WNT5B: variants seen among roughly 807,000 people sequenced by gnomAD.
WNT5B encodes protein Wnt-5b.
WNT5B carries 18 observed loss-of-function variants against 36.5 expected under a neutral mutation model. That is an observed-to-expected ratio of 0.49 (90% CI 0.34 to 0.73). WNT5B has a LOEUF of 0.73. WNT5B is among the 30% of genes least tolerant of loss of function. The pLI is 0.01. For synonymous variants in WNT5B, 213 were observed against 212.3 expected, an observed-to-expected ratio of 1.00 and a Z score of -0.03; for missense variants, 424 against 508.4, an observed-to-expected ratio of 0.83 and a Z score of 1.60.
chr12:1,641,021 C>A (rs1048609843), intron 4 of WNT5B, among the ~76,000 whole-genome samples: 1 of 152,156 alleles, frequency 6.6e-6, no homozygotes, highest in Non-Finnish European at 1.5e-5. Flanking sequence ...TGTCCCCACT[C>A]GGGTCTATGT....
chr12:1,643,352 C>G (rs992001453), intron 4 of WNT5B, among the ~76,000 whole-genome samples: 3 of 152,130 alleles, frequency 2.0e-5, no homozygotes, highest in Admixed American at 1.3e-4. Flanking sequence ...AGGGACAGAT[C>G]GTAGAACTAA....
chr12:1,627,418 C>T (rs1312322032), upstream of WNT5B, among the ~76,000 whole-genome samples: 1 of 152,176 alleles, frequency 6.6e-6, no homozygotes, highest in African/African-American at 2.4e-5. The surrounding 1 kb of genome is among the most constrained non-coding windows in gnomAD (Gnocchi z 5.0). Context: ...TGGCTAATGA[C>T]CTGAAATCAA....
In WNT5B at chr12:1,630,020, G is replaced by GAAAATCAAA; in HGVS notation, c.-58+651_-58+659dup. The GAAAATCAAA allele has an allele frequency of 1.4e-6, 1 of 737,862 alleles. No individual in the cohort carries two copies. Among genetic ancestry groups the GAAAATCAAA allele is most frequent in the Non-Finnish European group, 1.7e-6 (1 of 603,114 alleles). 45.7% of individuals were successfully genotyped at this position (737,862 alleles called of 1,614,324 possible). The stretch of plus-strand genomic sequence containing the variant: ...CCGCCCCAGCCGAGGCTTCGAGAAG[G>GAAAATCAAA]AAAATCAAAAGGGGGCTTGGGGAAG... On this transcript the variant is annotated intron_variant, in intron 1 of 4. Coordinates refer to ENST00000397196, the MANE Select transcript of WNT5B (RefSeq NM_032642.3). The surrounding 1 kb of genome is among the most constrained non-coding windows in gnomAD (Gnocchi z 5.3).
Position 1,646,259 on chromosome 12 carries a change from G to A in WNT5B, c.*7G>A. The A allele has an allele frequency of 6.2e-7, 1 of 1,602,116 alleles. No individual in the cohort carries two copies. The highest frequency in any genetic ancestry group is 8.5e-7 in the Non-Finnish European group (1 of 1,172,916). Reference sequence around the variant, plus strand: ...CCAGTACATCTGTAAATAGCCCGGAGGGCCTGCTCCCGGCCCCCCTGCACT... The same window carrying A: ...CCAGTACATCTGTAAATAGCCCGGAAGGCCTGCTCCCGGCCCCCCTGCACT... On this transcript the variant is annotated 3_prime_UTR_variant, in exon 5 of 5. Transcript: ENST00000397196.
intron 1 of WNT5B, among the ~76,000 whole-genome samples, chr12:1,619,126 C>G: frequency 6.7e-6 from 1 of 149,252 alleles, no homozygotes; most frequent in East Asian, 2.0e-4. Context: ...CACCAAGCCC[C>G]CAGCCCCTCC....
chr12:1,641,177 G>C (rs1318451929), intron 4 of WNT5B, among the ~76,000 whole-genome samples: 1 of 152,176 alleles, frequency 6.6e-6, no homozygotes, highest in Non-Finnish European at 1.5e-5. Flanking sequence ...TTGAGGCCAG[G>C]AGTTCGAGAC....
chr12:1,630,036 C>G lies in WNT5B; in HGVS notation c.-58+665C>G. ...TTCGAGAAGGAAAATCAAAAGGGGGCTTGGGGAAGGGCTGTGTCCCAGCTC... is the reference window on the plus strand; with the variant it reads ...TTCGAGAAGGAAAATCAAAAGGGGGGTTGGGGAAGGGCTGTGTCCCAGCTC... On this transcript the variant is annotated intron_variant, in intron 1 of 4. Transcript: ENST00000397196. The surrounding 1 kb of genome is among the most constrained non-coding windows in gnomAD (Gnocchi z 5.3). The G allele has an allele frequency of 1.2e-6, 1 of 820,112 alleles. No homozygotes were observed. Among genetic ancestry groups the G allele is most frequent in the Non-Finnish European group, 1.5e-6 (1 of 678,460 alleles). 50.8% of individuals were successfully genotyped at this position (820,112 alleles called of 1,614,324 possible).
chr12:1,635,085 A>T (rs970862424), intron 3 of WNT5B, among the ~76,000 whole-genome samples: 8 of 152,214 alleles, frequency 5.3e-5, no homozygotes, highest in Non-Finnish European at 1.2e-4. Context: ...AGTAGATGGT[A>T]CTTAGTAGGC....
At chr12:1,637,446 T>A (rs1377869061) in intron 3 of WNT5B, among the ~76,000 whole-genome samples, 1 of 152,112 alleles carries the variant, frequency 6.6e-6, no homozygotes, top group Non-Finnish European at 1.5e-5. Flanking sequence ...CATATAAAAG[T>A]TATGCTGCGG....
At chr12:1,620,386 T>G (rs1200748512) in intron 1 of WNT5B, among the ~76,000 whole-genome samples, 1 of 152,264 alleles carries the variant, frequency 6.6e-6, no homozygotes, top group Non-Finnish European at 1.5e-5. Context: ...AGAAGATCCA[T>G]GCATGTGGTT....
At chr12:1,620,296 C>G (rs1316184704) in intron 1 of WNT5B, among the ~76,000 whole-genome samples, 1 of 152,146 alleles carries the variant, frequency 6.6e-6, no homozygotes, top group Non-Finnish European at 1.5e-5. Flanking sequence ...GTGTGGGTCC[C>G]CAAACAAGAT....
chr12:1,630,607 G>A lies in WNT5B; in HGVS notation c.-57-691G>A, dbSNP rs535806995. Among the ~76,000 whole-genome samples the A allele has an allele frequency of 2.0e-4, 31 of 152,338 alleles. No homozygotes were observed. In the South Asian group the frequency reaches 6.2e-3, roughly 31 times the overall value. ...AGGACCACGGTGCCGGGAGGGGCAG[G>A]GGCCGCCTAGGGAGGCACCACCTCA... On this transcript the variant is annotated intron_variant, in intron 1 of 4. Transcript: ENST00000397196. This position sits in a 1 kb window ranked among gnomAD's most constrained non-coding sequence, Gnocchi z 5.3.
At chr12:1,645,009 T>C (rs1036172131) in intron 4 of WNT5B, 5 of 152,124 alleles carry the variant, frequency 3.3e-5, no homozygotes, top group Admixed American at 1.3e-4. Context: ...TGCTCACAAA[T>C]GGATGGTGTA....
intron 1 of WNT5B, among the ~76,000 whole-genome samples, chr12:1,623,194 T>TTTTG (rs1565603185): frequency 1.8e-5 from 2 of 111,116 alleles, no homozygotes; most frequent in African/African-American, 3.8e-5. Context: ...GTTGTTTTTT[T>TTTTG]TTTTTTTTTT....
intron 1 of WNT5B, among the ~76,000 whole-genome samples, chr12:1,623,257 A>G (rs1356407823): frequency 1.6e-5 from 2 of 125,332 alleles, no homozygotes; most frequent in Non-Finnish European, 3.1e-5. Context: ...CTGCAGTGGC[A>G]CAGTCTCGGC....
rs932861310 is a variant in WNT5B, at chr12:1,633,458, G to T, written c.328+553G>T. 2.8e-4 allele frequency among the ~76,000 whole-genome samples: 42 copies of T among 152,120 alleles called. No individual in the cohort carries two copies. The highest frequency in any genetic ancestry group is 8.8e-5 in the Non-Finnish European group (6 of 68,024). ...AGAGATGTGTGAACATGGGGGAAGGGGTCAGACGAAAGAAAAGATGAGAGG... is the reference window on the plus strand; with the variant it reads ...AGAGATGTGTGAACATGGGGGAAGGTGTCAGACGAAAGAAAAGATGAGAGG... On this transcript the variant is annotated intron_variant, in intron 3 of 4. Coordinates refer to ENST00000397196, the MANE Select transcript of WNT5B (RefSeq NM_032642.3). This position sits in a 1 kb window ranked among gnomAD's most constrained non-coding sequence, Gnocchi z 4.8.
In WNT5B at chr12:1,645,903, G is replaced by T. The variant is rs150533323; in HGVS notation, c.731G>T (p.Arg244Leu). 11 of 1,611,098 alleles carry T rather than the reference G, an allele frequency of 6.8e-6. No homozygotes were observed. The African/African-American group carries it at 1.3e-4, about 20-fold the overall frequency. The stretch of plus-strand genomic sequence containing the variant: ...GCCGAGTTCCGCAAGGTCGGGGACC[G>T]GCTGAAGGAGAAGTACGACAGCGCG... The part of the protein sequence containing the change: ...QLAEFRKVGD[R>L]LKEKYDSAAA... The change falls in exon 5 of 5, where the codon CGG becomes CTG. Residue 244 changes from arginine to leucine, a missense_variant. Physicochemically the swap from Arg to Leu is moderately radical, Grantham distance 102. Coordinates refer to ENST00000397196, the MANE Select transcript of WNT5B (RefSeq NM_032642.3).
rs577020035 is a variant in WNT5B, at chr12:1,618,629, T to C, written c.-58+1486T>C. Among the ~76,000 whole-genome samples, 1 of 152,212 alleles carries C rather than the reference T, an allele frequency of 6.6e-6. No homozygotes were observed. Among genetic ancestry groups the C allele is most frequent in the Non-Finnish European group, 1.5e-5 (1 of 68,036 alleles). ...GCATATTTTAAAACTATTTTATTAG[T>C]ATTCAGGAGAAGGGAACTTCCTCTT... On this transcript the variant is annotated intron_variant, in intron 1 of 4. Coordinates refer to the WNT5B transcript ENST00000310594. This position sits in a 1 kb window ranked among gnomAD's most constrained non-coding sequence, Gnocchi z 4.1.
chr12:1,624,825 C>T (rs1221152323), upstream of WNT5B, among the ~76,000 whole-genome samples: 1 of 152,046 alleles, frequency 6.6e-6, no homozygotes, highest in Admixed American at 6.5e-5. Flanking sequence ...TGAGAAACAG[C>T]CCAAGGCAGC....
Sources: allele counts gnomAD v4.1 joint callset (sites outside exome capture counted in the v4.1 genomes callset), GRCh38; gene constraint gnomAD v4.1.1; non-coding constraint Gnocchi (gnomAD v3.1); transcripts MANE v1.5; gene names NCBI Gene and HGNC (gene_info 2026-07-23, HGNC 2026-07-21).